The following CCDC88C variants were observed in gnomAD, a reference collection of about 807,000 sequenced individuals.
The protein encoded by CCDC88C is protein Daple.
Under a neutral mutation model 198.8 loss-of-function variants are expected in CCDC88C, and 131 were observed. That is an observed-to-expected ratio of 0.66 (90% CI 0.57 to 0.76). The LOEUF (loss-of-function observed/expected upper bound fraction) is 0.76. Ranked by LOEUF, CCDC88C falls within the 30% of genes least tolerant of loss-of-function variation. The pLI is 0.00. For missense variants in CCDC88C, 2,553 were observed against 2,631.6 expected (o/e 0.97, Z 0.65); for synonymous variants, 1,166 against 1,114.7 (o/e 1.05, Z -0.92).
At chr14:91,298,528 C>CA (rs35141357) in intron 21 of CCDC88C, among the ~76,000 whole-genome samples, 2,186 of 109,708 alleles carry the variant, frequency 0.02, 22 homozygotes, top group East Asian at 0.056. Flanking sequence ...GATCCCATCT[C>CA]AAAAAAAAAA....
chr14:91,407,322 G>C (rs1243573167), intron 3 of CCDC88C, among the ~76,000 whole-genome samples: 5 of 152,222 alleles, frequency 3.3e-5, no homozygotes, highest in Non-Finnish European at 7.3e-5. Flanking sequence ...AAGGGCAGAA[G>C]GGGAGTCACG....
intron 12 of CCDC88C, among the ~76,000 whole-genome samples, chr14:91,322,904 CTTTT>C (rs35728972): frequency 1.6e-5 from 2 of 127,522 alleles, no homozygotes; most frequent in Admixed American, 8.4e-5. Context: ...CAGTGTTTCT[CTTTT>C]TTTTTTTTTT....
In CCDC88C at chr14:91,352,264, AGTCTG is replaced by A. The variant is rs1893847223; in HGVS notation, c.340+7373_340+7377del. Among the ~76,000 whole-genome samples the A allele has an allele frequency of 6.6e-6, 1 of 152,210 alleles. No individual in the cohort carries two copies. ...CCATCGCTAGGAAGTTTACTAACAA[AGTCTG>A]GTCTCCAGGCAGATCCGCGGGTGCT... On this transcript the variant is annotated intron_variant, in intron 4 of 29. Coordinates refer to ENST00000389857, the MANE Select transcript of CCDC88C (RefSeq NM_001080414.4). This position sits in a 1 kb window ranked among gnomAD's most constrained non-coding sequence, Gnocchi z 4.2.
chr14:91,368,674 C>T (rs887760265), intron 3 of CCDC88C, among the ~76,000 whole-genome samples: 1 of 152,182 alleles, frequency 6.6e-6, no homozygotes, highest in Non-Finnish European at 1.5e-5. Flanking sequence ...GGCTGTGCTT[C>T]AGGCAGGTGG....
rs1339722059 is a variant in CCDC88C, at chr14:91,315,784, C to T, written c.1531G>A (p.Glu511Lys). The T allele has an allele frequency of 6.2e-6, 10 of 1,611,852 alleles. No individual in the cohort carries two copies. In the East Asian group the frequency reaches 2.0e-4, roughly 32 times the overall value. ...CTCTCCAGCTGGGTTTGTAACTTTT[C>T]AATCTGCAGAACCAAAAGACCCAGC... ...KENHQLSKKI[E>K]KLQTQLEREK... Residue 511 changes from glutamate to lysine, a missense_variant, in exon 14 of 30, where the codon GAA (glutamate) becomes AAA (lysine). Physicochemically the swap from Glu to Lys is moderately conservative, Grantham distance 56. Coordinates refer to ENST00000389857, the MANE Select transcript of CCDC88C (RefSeq NM_001080414.4).
At chr14:91,387,751 G>A (rs1308586891) in intron 3 of CCDC88C, among the ~76,000 whole-genome samples, 6 of 152,230 alleles carry the variant, frequency 3.9e-5, no homozygotes, top group African/African-American at 1.4e-4. Flanking sequence ...AAGGAAAGGA[G>A]GGAAGGCAGC....
chr14:91,370,713 G>A (rs186218337), intron 3 of CCDC88C, among the ~76,000 whole-genome samples: 2 of 152,294 alleles, frequency 1.3e-5, no homozygotes, highest in African/African-American at 4.8e-5. Context: ...GCAACCACAG[G>A]TGCGGATGGT....
Position 91,324,942 on chromosome 14 carries a change from G to T in CCDC88C, c.1198-19C>A, listed in dbSNP as rs376523915. On this transcript the variant is annotated intron_variant, in intron 11 of 29. Coordinates refer to ENST00000389857, the MANE Select transcript of CCDC88C (RefSeq NM_001080414.4). Reference sequence around the variant, plus strand: ...CCCGGTCCTGGGGCAAGCAAGAAGAGGCAAGAAGTGAGGCTGCACAGCTGG... The same window carrying T: ...CCCGGTCCTGGGGCAAGCAAGAAGATGCAAGAAGTGAGGCTGCACAGCTGG... The T allele has an allele frequency of 4.3e-6, 7 of 1,612,994 alleles. No individual in the cohort carries two copies. Among genetic ancestry groups the T allele is most frequent in the East Asian group, 4.5e-5 (2 of 44,886 alleles).
intron 25 of CCDC88C, among the ~76,000 whole-genome samples, chr14:91,287,776 C>G (rs1443866768): frequency 1.3e-5 from 2 of 151,942 alleles, no homozygotes. Context: ...CCTCCGCCTC[C>G]AAGACCCCAT....
At chr14:91,373,764 A>G (rs1894943830) in intron 3 of CCDC88C, among the ~76,000 whole-genome samples, 3 of 152,210 alleles carry the variant, frequency 2.0e-5, no homozygotes, top group Admixed American at 2.0e-4. Context: ...TGAAAATCTC[A>G]AAAGATGTTA....
rs1293631936 is a variant in CCDC88C at position 91,293,437 on chromosome 14, T to TCC, written c.4112+734_4112+735dup. 4.3e-3 allele frequency among the ~76,000 whole-genome samples: 108 copies of TCC among 25,376 alleles called. 1 individual carries two copies. The highest frequency in any genetic ancestry group is 0.033 in the Middle Eastern group (1 of 30). 16.6% of individuals were successfully genotyped at this position (25,376 alleles called of 152,430 possible). A position where few individuals can be genotyped will look rare whatever the true frequency, so the allele number is the denominator to read the frequency against. ...TCACCTGCCACGGCCCACCTTCCCGTCCTCACCTGCCACGGTCCACCTTCC... is the reference window on the plus strand; with the variant it reads ...TCACCTGCCACGGCCCACCTTCCCGTCCCCTCACCTGCCACGGTCCACCTTCC... On this transcript the variant is annotated intron_variant, in intron 23 of 29. Transcript: ENST00000389857.
chr14:91,271,481 TAAAA>T lies in CCDC88C; in HGVS notation c.*1140_*1143del, dbSNP rs942472890. The T allele has an allele frequency of 6.9e-6, 1 of 145,576 alleles. No homozygotes were observed. Among genetic ancestry groups the T allele is most frequent in the Non-Finnish European group, 1.5e-5 (1 of 65,780 alleles). 9.0% of individuals were successfully genotyped at this position (145,576 alleles called of 1,614,324 possible). A position where few individuals can be genotyped will look rare whatever the true frequency, so the allele number is the denominator to read the frequency against. On this transcript the variant is annotated 3_prime_UTR_variant, in exon 30 of 30. Coordinates refer to ENST00000389857, the MANE Select transcript of CCDC88C (RefSeq NM_001080414.4). ...TTAAATCAAAAGGAAAAAAAAATCT[TAAAA>T]AAAAAAAATCAATAGGTTTAGTTCA...
chr14:91,333,211 G>A (rs954773537), intron 10 of CCDC88C, among the ~76,000 whole-genome samples: 5 of 152,146 alleles, frequency 3.3e-5, no homozygotes, highest in African/African-American at 1.2e-4. Context: ...ATATTTTAAT[G>A]GTATAGATCT....
intron 29 of CCDC88C, among the ~76,000 whole-genome samples, chr14:91,276,262 C>T (rs1362685684): frequency 6.6e-6 from 1 of 152,190 alleles, no homozygotes; most frequent in Admixed American, 6.5e-5. Flanking sequence ...TCTGGCAAGG[C>T]CCCCAGACGA....
intron 25 of CCDC88C, among the ~76,000 whole-genome samples, chr14:91,287,455 G>C (rs10131794): frequency 2.0e-5 from 3 of 151,928 alleles, no homozygotes; most frequent in African/African-American, 7.2e-5. Flanking sequence ...GGCTCAAGTC[G>C]ACTGAGCAGC....
At position 91,271,614 on chromosome 14, in the gene CCDC88C, T is replaced by C. The variant is rs1238939276; in HGVS notation, c.*1011A>G. 1.3e-5 allele frequency: 2 copies of C among 152,188 alleles called. No individual in the cohort carries two copies. Among genetic ancestry groups the C allele is most frequent in the African/African-American group, 4.8e-5 (2 of 41,430 alleles). The allele number at this position is 152,188 out of a possible 1,614,324, so 9.4% of individuals were successfully genotyped here. A position where few individuals can be genotyped will look rare whatever the true frequency, so the allele number is the denominator to read the frequency against. ...CCCGACAGAAGAGAGTGACTCCCAC[T>C]GGAACATAAATAGATCCCCCCAAAG... On this transcript the variant is annotated 3_prime_UTR_variant, in exon 30 of 30. Transcript: ENST00000389857.
intron 3 of CCDC88C, among the ~76,000 whole-genome samples, chr14:91,383,690 C>A (rs1448739950): frequency 6.6e-6 from 1 of 152,174 alleles, no homozygotes; most frequent in Admixed American, 6.5e-5. Context: ...GGGAACAGCC[C>A]CATTCCTGGG....
At position 91,314,121 on chromosome 14, in the gene CCDC88C, G is replaced by A. The variant is rs1771221617; in HGVS notation, c.1695C>T (p.His565=). 6.2e-7 allele frequency: 1 copy of A among 1,612,680 alleles called. No homozygotes were observed. Among genetic ancestry groups the A allele is most frequent in the Non-Finnish European group, 8.5e-7 (1 of 1,179,520 alleles). The change falls in exon 15 of 30, where the codon CAC becomes CAT. Residue 565 remains histidine, a synonymous_variant. Transcript: ENST00000389857. ...QIKDLEQEKD[H]LNRAMWSLRE... ...GCAGCGACCACATGGCTCGGTTGAG[G>A]TGGTCCTTTTCCTGCTCAAGGTCCT...
At chr14:91,298,362 G>T (rs955971652) in intron 21 of CCDC88C, among the ~76,000 whole-genome samples, 1 of 151,730 alleles carries the variant, frequency 6.6e-6, no homozygotes, top group African/African-American at 2.4e-5. Flanking sequence ...GACAGAGCAA[G>T]ACTCCGTCTC....
Sources: allele counts gnomAD v4.1 joint callset (sites outside exome capture counted in the v4.1 genomes callset), GRCh38; gene constraint gnomAD v4.1.1; non-coding constraint Gnocchi (gnomAD v3.1); transcripts MANE v1.5; gene names NCBI Gene and HGNC (gene_info 2026-07-23, HGNC 2026-07-21).